PCDH15: variants seen among roughly 807,000 people sequenced by gnomAD.
The protein encoded by PCDH15 is protocadherin-15.
A neutral mutation model predicts 178.5 loss-of-function variants in PCDH15; 129 were observed. That is an observed-to-expected ratio of 0.72 (90% CI 0.63 to 0.84). PCDH15 has a LOEUF of 0.84. PCDH15 is among the 40% of genes least tolerant of loss of function. The pLI is 0.00. For missense variants in PCDH15, 2,230 were observed against 2,099.9 expected (o/e 1.06, Z -1.21); for synonymous variants, 800 against 732.0 (o/e 1.09, Z -1.50).
chr10:54,193,922 T>A (rs1223884400), intron 11 of PCDH15, among the ~76,000 whole-genome samples: 1 of 151,972 alleles, frequency 6.6e-6, no homozygotes, highest in Non-Finnish European at 1.5e-5. Flanking sequence ...ATTGCATCTA[T>A]CATGTTTGTT....
intron 3 of PCDH15, among the ~76,000 whole-genome samples, chr10:54,469,417 T>A (rs2077743173): frequency 6.6e-6 from 1 of 152,162 alleles, no homozygotes; most frequent in South Asian, 2.1e-4. Flanking sequence ...TTTTTTTAAC[T>A]ATTAAGCCAG....
chr10:54,881,207 A>G (rs1160799933), intron 3 of PCDH15, among the ~76,000 whole-genome samples: 7 of 152,080 alleles, frequency 4.6e-5, no homozygotes, highest in East Asian at 1.9e-4. Flanking sequence ...CGGCAGCTTC[A>G]TAGCAGGGGC....
chr10:53,878,967 T>C (rs553613634), intron 26 of PCDH15, among the ~76,000 whole-genome samples: 1 of 152,300 alleles, frequency 6.6e-6, no homozygotes, highest in South Asian at 2.1e-4. Flanking sequence ...GCTGTGAATA[T>C]TCACTCGGGT....
chr10:54,726,899 T>C (rs1376479670), intron 1 of PCDH15, among the ~76,000 whole-genome samples: 1 of 150,250 alleles, frequency 6.7e-6, no homozygotes, highest in Non-Finnish European at 1.5e-5. Flanking sequence ...CTCTGAGAAA[T>C]ATGGGATTAT....
chr10:55,556,067 C>A (rs1416931292), intron 2 of PCDH15, among the ~76,000 whole-genome samples: 1 of 151,894 alleles, frequency 6.6e-6, no homozygotes, highest in African/African-American at 2.4e-5. Flanking sequence ...GACACTTTTT[C>A]TTTTTCTCTC....
At chr10:55,571,455 A>C (rs989503248) in intron 2 of PCDH15, among the ~76,000 whole-genome samples, 1 of 152,108 alleles carries the variant, frequency 6.6e-6, no homozygotes, top group Non-Finnish European at 1.5e-5. Flanking sequence ...AATACAAAAC[A>C]TATAGCTTAA....
At chr10:54,426,250 T>C (rs900937479) in intron 3 of PCDH15, among the ~76,000 whole-genome samples, 19 of 152,164 alleles carry the variant, frequency 1.2e-4, no homozygotes, top group African/African-American at 4.6e-4. Flanking sequence ...CCCCAACCTC[T>C]TTGGTACCAG....
intron 27 of PCDH15, among the ~76,000 whole-genome samples, chr10:53,866,040 T>C (rs368802874): frequency 6.6e-6 from 1 of 152,162 alleles, no homozygotes; most frequent in African/African-American, 2.4e-5. Context: ...GATCTATCAC[T>C]AAACTTCTGC....
chr10:53,916,085 C>T (rs2083503972), intron 25 of PCDH15, among the ~76,000 whole-genome samples: 1 of 152,040 alleles, frequency 6.6e-6, no homozygotes, highest in South Asian at 2.1e-4. Flanking sequence ...ACTTATAATA[C>T]CTAATACAAT....
intron 2 of PCDH15, among the ~76,000 whole-genome samples, chr10:55,590,490 A>T (rs1395801819): frequency 6.6e-6 from 1 of 152,092 alleles, no homozygotes; most frequent in Non-Finnish European, 1.5e-5. Flanking sequence ...TAAAAAAAGA[A>T]AATAATAATA....
intron 3 of PCDH15, among the ~76,000 whole-genome samples, chr10:54,833,934 G>A (rs1410774582): frequency 6.6e-6 from 1 of 152,002 alleles, no homozygotes; most frequent in Admixed American, 6.6e-5. Flanking sequence ...TATGAATGAG[G>A]ACTAAAATAT....
intron 2 of PCDH15, among the ~76,000 whole-genome samples, chr10:54,578,897 T>C (rs1043160153): frequency 1.3e-5 from 2 of 152,090 alleles, no homozygotes; most frequent in African/African-American, 4.8e-5. Flanking sequence ...CCTCCAAACT[T>C]AGCTTTGTAA....
At chr10:54,351,496 CAATT>C (rs1349893501) in intron 5 of PCDH15, among the ~76,000 whole-genome samples, 1 of 151,940 alleles carries the variant, frequency 6.6e-6, no homozygotes, top group East Asian at 1.9e-4. Context: ...AGTAGAAACT[CAATT>C]AATTATTCTT....
chr10:54,636,147 TTA>T (rs554937477), intron 2 of PCDH15, among the ~76,000 whole-genome samples: 249 of 152,122 alleles, frequency 1.6e-3, no homozygotes, highest in African/African-American at 5.2e-3. Flanking sequence ...TATTAATATT[TTA>T]ATTGGAACTT....
intron 3 of PCDH15, among the ~76,000 whole-genome samples, chr10:54,474,523 G>A (rs1312558069): frequency 6.6e-6 from 1 of 151,888 alleles, no homozygotes; most frequent in African/African-American, 2.4e-5. Flanking sequence ...ATCAACTAAG[G>A]TAGTACTCCC....
At chr10:54,066,629 T>C in intron 18 of PCDH15, 128 bp downstream of exon 18, 2 of 824,584 alleles carry the variant, frequency 2.4e-6, no homozygotes, top group Non-Finnish European at 3.8e-6. Flanking sequence ...TTTTTTAAAG[T>C]CTTGAAGAAT....
At chr10:53,914,325 T>C (rs1391432944) in intron 25 of PCDH15, among the ~76,000 whole-genome samples, 2 of 152,216 alleles carry the variant, frequency 1.3e-5, no homozygotes, top group Non-Finnish European at 2.9e-5. Context: ...GTATGTTTAT[T>C]GTGGCACTAT....
At chr10:55,158,225 C>T (rs1838951678) in intron 2 of PCDH15, among the ~76,000 whole-genome samples, 1 of 151,794 alleles carries the variant, frequency 6.6e-6, no homozygotes, top group Non-Finnish European at 1.5e-5. Context: ...AGAATGGCAA[C>T]TTAATAATTA....
At chr10:54,377,232 A>G (rs757993751) in intron 4 of PCDH15, among the ~76,000 whole-genome samples, 4 of 152,088 alleles carry the variant, frequency 2.6e-5, no homozygotes, top group Non-Finnish European at 4.4e-5. Context: ...AATTATCTTC[A>G]TATATATGCT....
Sources: gnomAD v4.1 joint callset for allele counts (sites outside exome capture counted in the v4.1 genomes callset) on GRCh38, gnomAD v4.1.1 for gene constraint, MANE v1.5 for transcripts, NCBI Gene and HGNC (gene_info 2026-07-23, HGNC 2026-07-21) for gene names.